Variants in RCAN2 observed in about 807,000 individuals in gnomAD.
The protein encoded by RCAN2 is calcipressin-2.
RCAN2 carries 9 observed loss-of-function variants against 23.6 expected under a neutral mutation model. The observed-to-expected ratio is 0.38, with a 90% confidence interval of 0.23 to 0.67. The LOEUF (loss-of-function observed/expected upper bound fraction) is 0.67. Ranked by LOEUF, RCAN2 falls within the 30% of genes least tolerant of loss-of-function variation. The pLI, the probability that RCAN2 is intolerant of heterozygous loss-of-function variation, is 0.51. For missense variants in RCAN2, 273 were observed against 302.3 expected (o/e 0.90, Z 0.72); for synonymous variants, 109 against 115.7 (o/e 0.94, Z 0.37).
At chr6:46,424,058 C>G (rs1183647326) in intron 2 of RCAN2, among the ~76,000 whole-genome samples, 1 of 152,174 alleles carries the variant, frequency 6.6e-6, no homozygotes, top group African/African-American at 2.4e-5. Context: ...GCAGCCCTGC[C>G]TCTGACTCCA....
intron 2 of RCAN2, among the ~76,000 whole-genome samples, chr6:46,447,369 G>A (rs1767746584): frequency 6.6e-6 from 1 of 151,888 alleles, no homozygotes; most frequent in East Asian, 1.9e-4. Flanking sequence ...AGAGAGAATA[G>A]AGAGAGAGAC....
intron 2 of RCAN2, among the ~76,000 whole-genome samples, chr6:46,319,176 T>A (rs2150361074): frequency 6.6e-6 from 1 of 152,338 alleles, no homozygotes; most frequent in East Asian, 1.9e-4. Context: ...TTGCAATGCC[T>A]ATTAAGCCCA....
intron 2 of RCAN2, among the ~76,000 whole-genome samples, chr6:46,251,546 G>A (rs6910477): frequency 0.77 from 117,754 of 152,056 alleles, 45,906 homozygotes; most frequent in Non-Finnish European, 0.81. Context: ...TCCAATGCCT[G>A]AGCTTGGGCC....
At chr6:46,333,564 T>C (rs78147784) in intron 2 of RCAN2, among the ~76,000 whole-genome samples, 21 of 152,370 alleles carry the variant, frequency 1.4e-4, no homozygotes, top group African/African-American at 4.6e-4. Context: ...CAAATGCCTA[T>C]GTAATTTTGC....
chr6:46,260,062 C>T (rs1429294510), intron 2 of RCAN2, among the ~76,000 whole-genome samples: 1 of 152,126 alleles, frequency 6.6e-6, no homozygotes, highest in Non-Finnish European at 1.5e-5. Flanking sequence ...CAGAATTGAT[C>T]ACATCATTGC....
chr6:46,430,660 T>C (rs1767170250), intron 2 of RCAN2, among the ~76,000 whole-genome samples: 1 of 152,214 alleles, frequency 6.6e-6, no homozygotes. Context: ...GGATTTTCCA[T>C]AGGTGTGATT....
chr6:46,354,467 A>C (rs1385890078), intron 2 of RCAN2, among the ~76,000 whole-genome samples: 1 of 152,172 alleles, frequency 6.6e-6, no homozygotes, highest in Non-Finnish European at 1.5e-5. Context: ...GTTATGAGAG[A>C]TGTTACCACT....
intron 2 of RCAN2, among the ~76,000 whole-genome samples, chr6:46,362,639 T>C (rs1221709858): frequency 6.6e-6 from 1 of 152,206 alleles, no homozygotes; most frequent in East Asian, 1.9e-4. Context: ...CTTCTTTAAC[T>C]GTAACTTGGT....
chr6:46,288,923 T>C (rs972514333), intron 2 of RCAN2, among the ~76,000 whole-genome samples: 1 of 152,242 alleles, frequency 6.6e-6, no homozygotes, highest in African/African-American at 2.4e-5. Flanking sequence ...ATGATGTAAA[T>C]GCAACATCAA....
At chr6:46,288,385 A>G (rs1762437753) in intron 2 of RCAN2, among the ~76,000 whole-genome samples, 1 of 152,232 alleles carries the variant, frequency 6.6e-6, no homozygotes, top group South Asian at 2.1e-4. Flanking sequence ...TGTGATGTGA[A>G]TGGGAATACT....
At chr6:46,418,328 A>G (rs1582185594) in intron 2 of RCAN2, among the ~76,000 whole-genome samples, 1 of 152,140 alleles carries the variant, frequency 6.6e-6, no homozygotes, top group African/African-American at 2.4e-5. Flanking sequence ...TTCCTCTCTG[A>G]CCCTTCCAAA....
At chr6:46,395,061 G>A (rs111844383) in intron 2 of RCAN2, among the ~76,000 whole-genome samples, 2,262 of 152,264 alleles carry the variant, frequency 0.015, 50 homozygotes, top group African/African-American at 0.051. Flanking sequence ...GCCAGGAGTG[G>A]TGATAGGGTG....
At chr6:46,359,329 T>G (rs1764931944) in intron 2 of RCAN2, among the ~76,000 whole-genome samples, 1 of 152,182 alleles carries the variant, frequency 6.6e-6, no homozygotes, top group African/African-American at 2.4e-5. Flanking sequence ...TTTCGACAGT[T>G]CCGGTGTGAT....
chr6:46,411,935 C>G (rs1561895004), intron 2 of RCAN2, among the ~76,000 whole-genome samples: 1 of 152,110 alleles, frequency 6.6e-6, no homozygotes, highest in Non-Finnish European at 1.5e-5. Flanking sequence ...GATTGGAGGG[C>G]TTTAAATAAA....
At chr6:46,483,462 T>G (rs1768917974) in intron 1 of RCAN2, among the ~76,000 whole-genome samples, 1 of 152,078 alleles carries the variant, frequency 6.6e-6, no homozygotes, top group Admixed American at 6.5e-5. Flanking sequence ...CCATGATATC[T>G]CAGGAGGCTG....
At chr6:46,390,343 A>T (rs1765895487) in intron 2 of RCAN2, among the ~76,000 whole-genome samples, 1 of 152,228 alleles carries the variant, frequency 6.6e-6, no homozygotes, top group Non-Finnish European at 1.5e-5. Context: ...GGATGAATGG[A>T]ATGCCAAATA....
intron 2 of RCAN2, among the ~76,000 whole-genome samples, chr6:46,266,923 C>G (rs570835898): frequency 3.2e-5 from 4 of 123,756 alleles, no homozygotes; most frequent in African/African-American, 1.2e-4. Flanking sequence ...CACACAAAAC[C>G]CAGAGACATT....
intron 2 of RCAN2, among the ~76,000 whole-genome samples, chr6:46,445,929 AG>A (rs1235061870): frequency 1.1e-4 from 16 of 152,280 alleles, no homozygotes; most frequent in Admixed American, 9.8e-4. Context: ...TTTATAGGAC[AG>A]CATCACAAGC....
At chr6:46,353,668 T>C (rs1764736165) in intron 2 of RCAN2, among the ~76,000 whole-genome samples, 1 of 152,184 alleles carries the variant, frequency 6.6e-6, no homozygotes, top group Admixed American at 6.5e-5. Flanking sequence ...TTACTCCCAC[T>C]GCTTCACTGA....
Sources: allele counts gnomAD v4.1 joint callset (sites outside exome capture counted in the v4.1 genomes callset), GRCh38; gene constraint gnomAD v4.1.1; transcripts MANE v1.5; gene names NCBI Gene and HGNC (gene_info 2026-07-23, HGNC 2026-07-21).